Variants in ERMP1 observed in about 807,000 individuals in gnomAD.
The protein encoded by ERMP1 is endoplasmic reticulum metallopeptidase 1, also known as Felix-ina.
In ERMP1, 86 loss-of-function variants were observed where a neutral mutation model predicts 92.0. The observed-to-expected ratio is 0.93, with a 90% CI of 0.79 to 1.12. ERMP1 has a LOEUF of 1.12. Ranked by LOEUF, ERMP1 falls within the 50% of genes most tolerant of loss-of-function variation. The probability of loss-of-function intolerance (pLI) is 0.00; values close to 1 mark genes in which losing one functional copy is unlikely to be tolerated. For synonymous variants in ERMP1, 530 were observed against 412.8 expected (o/e 1.28, Z -3.44); for missense variants, 1,342 against 1,116.3 (o/e 1.20, Z -2.88).
chr9:5,801,183 AAC>A lies in ERMP1; in HGVS notation c.2058_2059del (p.Phe687SerfsTer6). 1 of 1,611,152 alleles carries A rather than the reference AAC, an allele frequency of 6.2e-7. No individual in the cohort carries two copies. Among genetic ancestry groups the A allele is most frequent in the Non-Finnish European group, 8.5e-7 (1 of 1,178,970 alleles). On this transcript the variant is annotated frameshift_variant, in exon 11 of 15. Transcript: ENST00000339450. LOFTEE classifies it high-confidence loss of function. ...TCATGCAAAACTGCTCACCTGAAGA[AAC>A]ACTCTCTTTGGCTTCGGATTAGCAG...
At chr9:5,858,939 G>C (rs1251218410) in intron 6 of ERMP1, among the ~76,000 whole-genome samples, 1 of 152,192 alleles carries the variant, frequency 6.6e-6, no homozygotes, top group Non-Finnish European at 1.5e-5. Flanking sequence ...AGTTCACCAA[G>C]TCCCTATATG....
In ERMP1 at chr9:5,797,839, T is replaced by C. The variant is rs745791309; in HGVS notation, c.2364A>G (p.Ile788Met). Reference protein sequence around the residue: ...ISKEQTPWDSIKLTFEATGPS... With the variant: ...ISKEQTPWDSMKLTFEATGPS... ...TACCTGTTGCTTCAAAAGTCAATTT[T>C]ATAGAATCCCAAGGTGTCTGTTCTT... Residue 788 changes from isoleucine to methionine, a missense_variant, in exon 13 of 15, where the codon ATA (isoleucine) becomes ATG (methionine). Transcript: ENST00000339450. 13 of 1,606,166 alleles carry C rather than the reference T, an allele frequency of 8.1e-6. No homozygotes were observed. Among genetic ancestry groups the C allele is most frequent in the Non-Finnish European group, 1.1e-5 (13 of 1,177,074 alleles).
At chr9:5,825,380 C>T (rs1442499624) in intron 2 of ERMP1, among the ~76,000 whole-genome samples, 161 bp from the exon 3 acceptor site, 1 of 152,200 alleles carries the variant, frequency 6.6e-6, no homozygotes, top group Non-Finnish European at 1.5e-5. Flanking sequence ...CACCCACCAG[C>T]AGTAAGTTCC....
chr9:5,857,247 C>A (rs1046123886), intron 6 of ERMP1, among the ~76,000 whole-genome samples: 1 of 152,076 alleles, frequency 6.6e-6, no homozygotes, highest in South Asian at 2.1e-4. Context: ...GTCTCAAACC[C>A]CTGAGCTCAA....
At chr9:5,795,101 C>A (rs951107001) in intron 13 of ERMP1, among the ~76,000 whole-genome samples, 1 of 152,100 alleles carries the variant, frequency 6.6e-6, no homozygotes, top group African/African-American at 2.4e-5. Flanking sequence ...ACTTGAAAAT[C>A]AATTAATGTC....
chr9:5,836,385 G>T (rs149617043), upstream of ERMP1, among the ~76,000 whole-genome samples: 3 of 152,294 alleles, frequency 2.0e-5, no homozygotes, highest in African/African-American at 7.2e-5. Flanking sequence ...TTCAAATCAG[G>T]TGAGGTACCA....
At chr9:5,804,342 C>T (rs938066277) in intron 10 of ERMP1, among the ~76,000 whole-genome samples, 2 of 152,086 alleles carry the variant, frequency 1.3e-5, no homozygotes, top group African/African-American at 4.8e-5. Context: ...CAAGGGGGGT[C>T]TGGTCTTAAA....
chr9:5,801,830 C>G (rs1828685142), intron 10 of ERMP1, among the ~76,000 whole-genome samples: 1 of 152,198 alleles, frequency 6.6e-6, no homozygotes. Flanking sequence ...AGAGGAAAAA[C>G]TGCATTACAA....
intron 5 of ERMP1, among the ~76,000 whole-genome samples, chr9:5,862,995 T>C (rs1830548946): frequency 1.3e-5 from 2 of 152,206 alleles, no homozygotes; most frequent in African/African-American, 2.4e-5. Flanking sequence ...TTTGTGGTAG[T>C]GCAAAAATTC....
At chr9:5,815,846 G>A (rs539344617) in intron 4 of ERMP1, among the ~76,000 whole-genome samples, 1 of 152,150 alleles carries the variant, frequency 6.6e-6, no homozygotes, top group African/African-American at 2.4e-5. Flanking sequence ...GTGATGCACT[G>A]AGGACACAAA....
At chr9:5,855,685 T>G (rs1039430797) in intron 6 of ERMP1, 2 of 153,660 alleles carry the variant, frequency 1.3e-5, no homozygotes, top group African/African-American at 4.8e-5. Context: ...GTTCACCATT[T>G]AAGCTAGAAA....
chr9:5,799,080 T>G (rs1479727710), intron 11 of ERMP1, 72 bp from the exon 12 acceptor site: 7 of 1,063,154 alleles, frequency 6.6e-6, no homozygotes, highest in Non-Finnish European at 1.0e-5. Context: ...ATTACAAAAA[T>G]GGAGTATGAC....
At chr9:5,813,769 A>T (rs1489345800) in intron 4 of ERMP1, among the ~76,000 whole-genome samples, 2 of 151,406 alleles carry the variant, frequency 1.3e-5, no homozygotes, top group East Asian at 3.9e-4. Flanking sequence ...ATCATTATTA[A>T]TAATTTTCCA....
intron 13 of ERMP1, among the ~76,000 whole-genome samples, chr9:5,791,949 G>A (rs1248221983): frequency 1.3e-5 from 2 of 152,328 alleles, no homozygotes; most frequent in African/African-American, 2.4e-5. Flanking sequence ...AAGGGAGGAA[G>A]AAGTGGGAGG....
intron 5 of ERMP1, among the ~76,000 whole-genome samples, chr9:5,862,404 C>G (rs1036288901): frequency 6.6e-6 from 1 of 151,990 alleles, no homozygotes; most frequent in Non-Finnish European, 1.5e-5. Context: ...GCAATCATAG[C>G]TTATTGCAGC....
intron 6 of ERMP1, among the ~76,000 whole-genome samples, chr9:5,811,912 T>C (rs532598420): frequency 2.1e-4 from 32 of 152,314 alleles, no homozygotes; most frequent in African/African-American, 7.5e-4. Context: ...AACTCCTTTT[T>C]CATTTCCTCA....
chr9:5,855,826 T>C (rs1291721722), intron 6 of ERMP1: 2 of 177,386 alleles, frequency 1.1e-5, no homozygotes, highest in South Asian at 1.5e-4. Flanking sequence ...AAGAAAAATA[T>C]GTAGACTTAG....
At position 5,791,458 on chromosome 9, in the gene ERMP1, T is replaced by C. The variant is rs144361533; in HGVS notation, c.2387-3865A>G. On this transcript the variant is annotated intron_variant, in intron 13 of 14. Transcript: ENST00000339450. ...AAGTCCAGTGATTTGCATGTTAATCTTACCCAGAAAATATTTTCACAGAAA... is the reference window on the plus strand; with the variant it reads ...AAGTCCAGTGATTTGCATGTTAATCCTACCCAGAAAATATTTTCACAGAAA... 8.5e-4 allele frequency among the ~76,000 whole-genome samples: 129 copies of C among 152,348 alleles called. 3 individuals carry two copies. In the East Asian group the frequency reaches 0.02, roughly 24 times the overall value.
Position 5,798,866 on chromosome 9 carries a change from C to T in ERMP1, c.2210G>A (p.Cys737Tyr). Residue 737 changes from cysteine to tyrosine, a missense_variant, in exon 12 of 15, where the codon TGT becomes TAT. By Grantham distance (194) the Cys-to-Tyr change is radical. Coordinates refer to ENST00000339450, the MANE Select transcript of ERMP1 (RefSeq NM_024896.3). ...PEINDSIRAH[C>Y]EENAPLCGFP... is the part of the protein sequence containing the mutation. ...ACCACAAAGAGGTGCATTCTCCTCA[C>T]AGTGAGCTCGGATACTATCATTGAT... The T allele has an allele frequency of 1.2e-6, 2 of 1,613,916 alleles. No individual in the cohort carries two copies. The highest frequency in any genetic ancestry group is 1.7e-6 in the Non-Finnish European group (2 of 1,179,844).
Sources: gnomAD v4.1 joint callset for allele counts (sites outside exome capture counted in the v4.1 genomes callset) on GRCh38, gnomAD v4.1.1 for gene constraint, MANE v1.5 for transcripts, NCBI Gene and HGNC (gene_info 2026-07-23, HGNC 2026-07-21) for gene names.